Variants in ASIC2 observed in about 807,000 individuals in gnomAD.
ASIC2 encodes the protein acid sensing ion channel subunit 2, also known as acid-sensing ion channel 2.
In ASIC2, 25 loss-of-function variants were observed where a neutral mutation model predicts 57.3. The observed-to-expected ratio is 0.44, with a 90% CI of 0.32 to 0.61. ASIC2 has a LOEUF of 0.61. ASIC2 is among the 20% of genes least tolerant of loss of function. The pLI, the probability that ASIC2 is intolerant of heterozygous loss-of-function variation, is 0.06. For synonymous variants in ASIC2, 319 were observed against 307.5 expected, an observed-to-expected ratio of 1.04 and a Z score of -0.39; for missense variants, 641 against 738.1, an observed-to-expected ratio of 0.87 and a Z score of 1.52.
chr17:33,721,598 A>G (rs1909390915), intron 1 of ASIC2, among the ~76,000 whole-genome samples: 1 of 152,200 alleles, frequency 6.6e-6, no homozygotes. Context: ...CAGGACCGAG[A>G]AATAAACCTT....
chr17:33,476,829 C>T (rs906468899), intron 1 of ASIC2, among the ~76,000 whole-genome samples: 1 of 152,022 alleles, frequency 6.6e-6, no homozygotes, highest in African/African-American at 2.4e-5. Flanking sequence ...TCATGCCACC[C>T]AGAAGCCTTT....
At chr17:33,447,912 CAAAAAAA>C (rs34092157) in intron 1 of ASIC2, among the ~76,000 whole-genome samples, 1 of 73,084 alleles carries the variant, frequency 1.4e-5, no homozygotes, top group Non-Finnish European at 2.9e-5. Context: ...GACTCAGTCT[CAAAAAAA>C]AAAAAAAAAA....
chr17:33,305,289 C>G (rs1906123160), intron 1 of ASIC2, among the ~76,000 whole-genome samples: 1 of 152,190 alleles, frequency 6.6e-6, no homozygotes, highest in Non-Finnish European at 1.5e-5. Flanking sequence ...CGGCCTCCTG[C>G]ATTACATGAT....
chr17:33,489,691 T>A (rs1008742434), intron 1 of ASIC2, among the ~76,000 whole-genome samples: 25 of 152,290 alleles, frequency 1.6e-4, no homozygotes, highest in African/African-American at 6.0e-4. Flanking sequence ...CTCTACCTGT[T>A]CACAAAAATG....
At chr17:33,142,376 A>G (rs1276403452) in intron 1 of ASIC2, among the ~76,000 whole-genome samples, 1 of 152,232 alleles carries the variant, frequency 6.6e-6, no homozygotes, top group Non-Finnish European at 1.5e-5. Flanking sequence ...AAGATTCACC[A>G]TGCAGAGGCG....
intron 1 of ASIC2, among the ~76,000 whole-genome samples, chr17:34,113,207 GAGGGGCGAAGGA>G (rs1911327567): frequency 6.6e-6 from 1 of 152,174 alleles, no homozygotes; most frequent in Non-Finnish European, 1.5e-5. Flanking sequence ...TGCCCGAAGA[GAGGGGCGAAGGA>G]AGCTGGAGGA....
intron 1 of ASIC2, among the ~76,000 whole-genome samples, chr17:33,517,335 C>G (rs544426388): frequency 1.3e-5 from 2 of 152,272 alleles, no homozygotes; most frequent in East Asian, 3.9e-4. Flanking sequence ...AGGCTGGTCT[C>G]AAACTCCTGA....
intron 1 of ASIC2, among the ~76,000 whole-genome samples, chr17:34,079,294 C>A (rs1261476670): frequency 1.3e-5 from 2 of 152,200 alleles, no homozygotes; most frequent in African/African-American, 4.8e-5. Flanking sequence ...CAGTATGAAG[C>A]CCATGCAATT....
At chr17:33,693,758 G>A (rs1275021146) in intron 1 of ASIC2, among the ~76,000 whole-genome samples, 1 of 152,222 alleles carries the variant, frequency 6.6e-6, no homozygotes, top group African/African-American at 2.4e-5. Context: ...AGCCATGGAA[G>A]ACTTGGTATA....
chr17:33,291,305 T>C (rs1905427873), intron 1 of ASIC2, 103 bp downstream of exon 1: 2 of 1,454,474 alleles, frequency 1.4e-6, no homozygotes, highest in East Asian at 2.4e-5. Flanking sequence ...GTGGTAACAC[T>C]GCAAGAGGCC....
intron 1 of ASIC2, among the ~76,000 whole-genome samples, chr17:33,687,310 G>A (rs1263697065): frequency 6.6e-6 from 1 of 152,162 alleles, no homozygotes; most frequent in African/African-American, 2.4e-5. Flanking sequence ...TGGAGGGAGA[G>A]GATCAGGTGG....
At chr17:33,616,416 G>C (rs1350315215) in intron 1 of ASIC2, among the ~76,000 whole-genome samples, 1 of 152,216 alleles carries the variant, frequency 6.6e-6, no homozygotes, top group African/African-American at 2.4e-5. Flanking sequence ...ATGTGGCATA[G>C]CTTGGTGTTT....
intron 1 of ASIC2, among the ~76,000 whole-genome samples, chr17:33,902,817 C>T (rs183694347): frequency 2.0e-5 from 3 of 152,194 alleles, no homozygotes; most frequent in Non-Finnish European, 4.4e-5. Context: ...ATTAGAAATT[C>T]AGCCAGAACT....
chr17:33,462,842 C>T (rs1479774352), intron 1 of ASIC2, among the ~76,000 whole-genome samples: 3 of 152,116 alleles, frequency 2.0e-5, no homozygotes, highest in Admixed American at 6.5e-5. Flanking sequence ...CCCTGCTAGG[C>T]CTTCTATTAG....
intron 1 of ASIC2, among the ~76,000 whole-genome samples, chr17:33,320,681 TAAG>T (rs1906834390): frequency 2.0e-5 from 3 of 152,214 alleles, no homozygotes; most frequent in African/African-American, 4.8e-5. Context: ...GTGGAACTCT[TAAG>T]CCATGATGTG....
At chr17:33,916,061 T>C (rs1023781789) in intron 1 of ASIC2, among the ~76,000 whole-genome samples, 1 of 152,212 alleles carries the variant, frequency 6.6e-6, no homozygotes. Flanking sequence ...CCTACTTTCC[T>C]ACCTCCTTGA....
At chr17:33,622,260 A>C (rs1434060983) in intron 1 of ASIC2, among the ~76,000 whole-genome samples, 3 of 152,150 alleles carry the variant, frequency 2.0e-5, no homozygotes, top group South Asian at 4.1e-4. Context: ...TAAGCCTTTA[A>C]GTTTGGAGTA....
intron 1 of ASIC2, among the ~76,000 whole-genome samples, chr17:34,145,501 G>T (rs949506887): frequency 6.6e-6 from 1 of 152,138 alleles, no homozygotes; most frequent in African/African-American, 2.4e-5. Context: ...ATAAGCAATT[G>T]TCTGGCCTCA....
intron 1 of ASIC2, among the ~76,000 whole-genome samples, chr17:33,898,581 C>T (rs751480056): frequency 7.2e-5 from 11 of 152,186 alleles, no homozygotes; most frequent in South Asian, 6.2e-4. Flanking sequence ...TAATCAAAAC[C>T]GGGAAATTAA....
Sources: gnomAD v4.1 joint callset for allele counts (sites outside exome capture counted in the v4.1 genomes callset) on GRCh38, gnomAD v4.1.1 for gene constraint, MANE v1.5 for transcripts, NCBI Gene and HGNC (gene_info 2026-07-23, HGNC 2026-07-21) for gene names.